Variants in MAPKAP1 observed in about 807,000 individuals in gnomAD.
MAPKAP1 encodes the protein target of rapamycin complex 2 subunit MAPKAP1.
Under a neutral mutation model 65.7 loss-of-function variants are expected in MAPKAP1, and 20 were observed. The ratio of observed to expected loss-of-function variants is 0.30; its 90% confidence interval spans 0.21 to 0.44. The LOEUF is 0.44. Ranked by LOEUF, MAPKAP1 falls within the 20% of genes least tolerant of loss-of-function variation. The probability of loss-of-function intolerance (pLI) is 1.00; values close to 1 mark genes in which losing one functional copy is unlikely to be tolerated. For missense variants in MAPKAP1, 423 were observed against 648.0 expected (o/e 0.65, Z 3.77); for synonymous variants, 222 against 244.3 (o/e 0.91, Z 0.85).
chr9:125,586,057 T>C lies in MAPKAP1; in HGVS notation c.499-330A>G, dbSNP rs117794016. ...ACTAACTCAGTGTGTCCCTGGACCT[T>C]AGCACTGGGTGCCTCTCTGGCAACT... is the stretch of plus-strand genomic sequence containing the variant. On this transcript the variant is annotated intron_variant, in intron 4 of 11. Transcript: ENST00000265960. Among the ~76,000 whole-genome samples the C allele has an allele frequency of 9.4e-3, 1,427 of 152,268 alleles. 12 individuals are homozygous for C. The highest frequency in any genetic ancestry group is 0.044 in the Middle Eastern group (13 of 294).
chr9:125,649,673 C>T (rs893987264), intron 4 of MAPKAP1, among the ~76,000 whole-genome samples: 1 of 151,914 alleles, frequency 6.6e-6, no homozygotes, highest in Non-Finnish European at 1.5e-5. Flanking sequence ...CAAACACAAA[C>T]CAGACAATAG....
At chr9:125,458,419 T>C (rs567212454) in intron 10 of MAPKAP1, among the ~76,000 whole-genome samples, 82 of 152,124 alleles carry the variant, frequency 5.4e-4, no homozygotes, top group Middle Eastern at 3.4e-3. Flanking sequence ...GTGATGACTC[T>C]TAACGAGCAT....
intron 5 of MAPKAP1, among the ~76,000 whole-genome samples, chr9:125,579,071 A>G (rs1449477685): frequency 6.6e-6 from 1 of 152,222 alleles, no homozygotes; most frequent in Non-Finnish European, 1.5e-5. Flanking sequence ...GACCATTTAG[A>G]GATTGAAATT....
At chr9:125,491,947 T>C (rs1424967424) in intron 8 of MAPKAP1, among the ~76,000 whole-genome samples, 2 of 150,408 alleles carry the variant, frequency 1.3e-5, no homozygotes, top group Non-Finnish European at 3.0e-5. Context: ...TACCAGCAGT[T>C]TGGGAAGCCA....
At position 125,669,175 on chromosome 9, in the gene MAPKAP1, G is replaced by A. The variant is rs544268505; in HGVS notation, c.349+643C>T. Among the ~76,000 whole-genome samples the A allele has an allele frequency of 6.4e-4, 91 of 141,214 alleles. No individual in the cohort carries two copies. In the South Asian group the frequency reaches 0.021, roughly 32 times the overall value. 92.6% of individuals were successfully genotyped at this position (141,214 alleles called of 152,430 possible). On this transcript the variant is annotated intron_variant, in intron 3 of 11. Transcript: ENST00000265960. ...AGCCTGGGTGACACAGCAAGACTCC[G>A]TCTCAAAAAAAAAAAAAAAAATCGG...
At chr9:125,480,976 A>AG (rs1564525880) in intron 9 of MAPKAP1, among the ~76,000 whole-genome samples, 2 of 123,340 alleles carry the variant, frequency 1.6e-5, no homozygotes, top group African/African-American at 2.8e-5. Context: ...CGTTTCGGGG[A>AG]AAAAAAAAAA....
At chr9:125,616,946 T>C (rs889438698) in intron 4 of MAPKAP1, among the ~76,000 whole-genome samples, 6 of 152,240 alleles carry the variant, frequency 3.9e-5, no homozygotes, top group South Asian at 2.1e-4. Context: ...TAGCATGCAT[T>C]TGTACTTAGT....
chr9:125,585,803 G>T, intron 4 of MAPKAP1, 76 bp from the exon 5 acceptor site: 1 of 1,405,706 alleles, frequency 7.1e-7, no homozygotes, highest in Non-Finnish European at 9.9e-7. Context: ...AGGCCTGTGG[G>T]CAGCACAGCC....
Position 125,465,008 on chromosome 9 carries a change from T to A in MAPKAP1, c.1345+2964A>T, listed in dbSNP as rs150298902. On this transcript the variant is annotated intron_variant, in intron 10 of 11. Transcript: ENST00000265960. ...ACTAAGACTGGGGACAACTTCATTATCCTCCCTACACTTAATGTCTTTTTG... is the reference window on the plus strand; with the variant it reads ...ACTAAGACTGGGGACAACTTCATTAACCTCCCTACACTTAATGTCTTTTTG... Among the ~76,000 whole-genome samples, 18 of 152,140 alleles carry A rather than the reference T, an allele frequency of 1.2e-4. No homozygotes were observed. In the East Asian group the frequency reaches 3.5e-3, roughly 30 times the overall value.
intron 1 of MAPKAP1, among the ~76,000 whole-genome samples, chr9:125,697,142 C>T (rs994609528): frequency 6.6e-6 from 1 of 152,186 alleles, no homozygotes; most frequent in African/African-American, 2.4e-5. Flanking sequence ...GAAAAGAAGG[C>T]TTTCCTGGGA....
At chr9:125,548,921 T>C (rs1379032571) in intron 6 of MAPKAP1, among the ~76,000 whole-genome samples, 2 of 152,198 alleles carry the variant, frequency 1.3e-5, no homozygotes, top group Non-Finnish European at 2.9e-5. Flanking sequence ...AATAAGTTAA[T>C]ACATCATATA....
intron 1 of MAPKAP1, among the ~76,000 whole-genome samples, chr9:125,691,209 C>T (rs1835159484): frequency 6.6e-6 from 1 of 152,006 alleles, no homozygotes; most frequent in African/African-American, 2.4e-5. Context: ...TCCAGTGAGC[C>T]GAGATCGCGC....
intron 1 of MAPKAP1, among the ~76,000 whole-genome samples, chr9:125,673,205 T>C (rs555868589): frequency 1.3e-5 from 2 of 152,290 alleles, no homozygotes; most frequent in East Asian, 1.9e-4. Flanking sequence ...CCTGTCAAGA[T>C]AGTATTGTGT....
intron 6 of MAPKAP1, among the ~76,000 whole-genome samples, chr9:125,558,251 A>C (rs1352718394): frequency 6.6e-6 from 1 of 152,246 alleles, no homozygotes; most frequent in Non-Finnish European, 1.5e-5. Context: ...TTATTATACA[A>C]GATTAAAAAT....
rs1833114283 is a variant in MAPKAP1, at chr9:125,626,223, T to G, written c.498+31428A>C. 2.0e-5 allele frequency among the ~76,000 whole-genome samples: 3 copies of G among 152,224 alleles called. No homozygotes were observed. The South Asian group carries it at 6.2e-4, about 32-fold the overall frequency. ...CTTTCAGAAATACTGGAAAGAACACTTCTCTTTTTACCTGGCATGGCCTCA... is the reference window on the plus strand; with the variant it reads ...CTTTCAGAAATACTGGAAAGAACACGTCTCTTTTTACCTGGCATGGCCTCA... On this transcript the variant is annotated intron_variant, in intron 4 of 11. Transcript: ENST00000265960.
chr9:125,498,769 G>A (rs953651793), intron 8 of MAPKAP1, among the ~76,000 whole-genome samples: 17 of 152,090 alleles, frequency 1.1e-4, no homozygotes, highest in African/African-American at 2.4e-4. Context: ...TGGGAGGTAC[G>A]CTGCTTCTAA....
At chr9:125,698,423 C>T (rs546688986) in intron 1 of MAPKAP1, among the ~76,000 whole-genome samples, 302 of 148,780 alleles carry the variant, frequency 2.0e-3, no homozygotes, top group Non-Finnish European at 3.4e-3. Context: ...TGGCAACCTC[C>T]GACTCCCGGG....
At chr9:125,547,764 A>G (rs1830470271) in intron 6 of MAPKAP1, among the ~76,000 whole-genome samples, 1 of 152,250 alleles carries the variant, frequency 6.6e-6, no homozygotes, top group South Asian at 2.1e-4. Context: ...ATCAGTGAGT[A>G]GCCTGTGGCC....
rs76568190 is a variant in MAPKAP1, at chr9:125,642,871, G to T, written c.498+14780C>A. Among the ~76,000 whole-genome samples, 26 of 152,022 alleles carry T rather than the reference G, an allele frequency of 1.7e-4. No individual in the cohort carries two copies. In the East Asian group the frequency reaches 4.6e-3, roughly 27 times the overall value. ...TTTGGGGACCTCCTCCAGCCTACTG[G>T]TATCAATTTTAACAAAAATATAATA... On this transcript the variant is annotated intron_variant, in intron 4 of 11. Coordinates refer to ENST00000265960, the MANE Select transcript of MAPKAP1 (RefSeq NM_001006617.3).
Sources: allele counts gnomAD v4.1 joint callset (sites outside exome capture counted in the v4.1 genomes callset), GRCh38; gene constraint gnomAD v4.1.1; transcripts MANE v1.5; gene names NCBI Gene and HGNC (gene_info 2026-07-23, HGNC 2026-07-21).